TBC1D19: variants seen among roughly 807,000 people sequenced by gnomAD.
The protein encoded by TBC1D19 is TBC1 domain family, member 19.
A neutral mutation model predicts 89.0 loss-of-function variants in TBC1D19; 60 were observed. The observed-to-expected ratio is 0.67, with a 90% CI of 0.55 to 0.84. The LOEUF is 0.84. Ranked by LOEUF, TBC1D19 falls within the 40% of genes least tolerant of loss-of-function variation. TBC1D19 has a pLI of 0.00. For missense variants in TBC1D19, 500 were observed against 610.8 expected, an observed-to-expected ratio of 0.82 and a Z score of 1.91; for synonymous variants, 189 against 199.7, an observed-to-expected ratio of 0.95 and a Z score of 0.45.
the TBC1D19 span, among the ~76,000 whole-genome samples, chr4:26,767,911 G>A: frequency 6.6e-6 from 1 of 152,172 alleles, no homozygotes; most frequent in African/African-American, 2.4e-5. Context: ...CCTGTGGAAA[G>A]TTTCCATGAT....
At chr4:26,719,975 A>G in intron 14 of TBC1D19, 106 bp from the exon 15 acceptor site, 1 of 834,204 alleles carries the variant, frequency 1.2e-6, no homozygotes, top group Non-Finnish European at 1.8e-6. Context: ...ATATCAGTTT[A>G]TAGTAGTTTT....
the TBC1D19 span, among the ~76,000 whole-genome samples, chr4:26,817,981 A>AAAAAAAAAT: frequency 7.9e-6 from 1 of 126,080 alleles, no homozygotes; most frequent in African/African-American, 3.7e-5. Flanking sequence ...AAAAAAAAAA[A>AAAAAAAAAT]ATATATATAT....
intron 15 of TBC1D19, among the ~76,000 whole-genome samples, chr4:26,731,072 G>A (rs1717631964): frequency 1.3e-5 from 2 of 152,190 alleles, no homozygotes; most frequent in Admixed American, 6.5e-5. Context: ...AGTAACATAC[G>A]TAAGCGTACA....
chr4:26,792,620 G>A, the TBC1D19 span, among the ~76,000 whole-genome samples: 8 of 152,252 alleles, frequency 5.3e-5, no homozygotes, highest in East Asian at 5.8e-4. Context: ...GTAAGCATAC[G>A]ATTTCTTTGA....
the TBC1D19 span, among the ~76,000 whole-genome samples, chr4:26,813,524 G>A: frequency 6.6e-6 from 1 of 152,134 alleles, no homozygotes; most frequent in Non-Finnish European, 1.5e-5. Context: ...CTTAGACCCT[G>A]CTGGGGTGTG....
chr4:26,830,566 T>C, the TBC1D19 span, among the ~76,000 whole-genome samples: 1 of 152,186 alleles, frequency 6.6e-6, no homozygotes, highest in Admixed American at 6.5e-5. Flanking sequence ...GCAGTTATCT[T>C]CTGTTACTGG....
intron 13 of TBC1D19, among the ~76,000 whole-genome samples, chr4:26,695,445 A>C (rs2109185882): frequency 6.6e-6 from 1 of 152,340 alleles, no homozygotes; most frequent in East Asian, 1.9e-4. Context: ...GCAGGATATT[A>C]TCCAGGAGAA....
Position 26,624,420 on chromosome 4 carries a change from A to C in TBC1D19, c.294+3732A>C, listed in dbSNP as rs180814888. On this transcript the variant is annotated intron_variant, in intron 4 of 20. Transcript: ENST00000264866. ...GAGACTGAGTCTTGCTTTATCACCC[A>C]GGCTGGAGTGCAGTGGTATGATCTC... Among the ~76,000 whole-genome samples, 456 of 152,166 alleles carry C rather than the reference A, an allele frequency of 3.0e-3. 4 individuals are homozygous for C. Among genetic ancestry groups the C allele is most frequent in the African/African-American group, 0.011 (442 of 41,524 alleles).
At position 26,640,177 on chromosome 4, in the gene TBC1D19, A is replaced by G. The variant is rs768406719; in HGVS notation, c.470A>G (p.Asp157Gly). ...TTCAGACCTGTTTATGCACCTAAGGATTTTCTTGAGGTAGGTTCTATTGGA... is the reference window on the plus strand; with the variant it reads ...TTCAGACCTGTTTATGCACCTAAGGGTTTTCTTGAGGTAGGTTCTATTGGA... ...SLFRPVYAPK[D>G]FLEVLINLRN... Residue 157 changes from aspartate to glycine, a missense_variant, in exon 7 of 21, where the codon GAT becomes GGT. Asp to Gly is a moderately conservative substitution (Grantham distance 94). Around this residue, in one of 2 missense-constraint regions of TBC1D19, gnomAD observed 280 missense variants for 291.7 expected, o/e 0.96. Coordinates refer to ENST00000264866, the MANE Select transcript of TBC1D19 (RefSeq NM_018317.4). The G allele has an allele frequency of 1.9e-6, 3 of 1,608,342 alleles. No homozygotes were observed. In the African/African-American group the frequency reaches 4.0e-5, roughly 22 times the overall value.
At chr4:26,769,548 CTT>C in the TBC1D19 span, among the ~76,000 whole-genome samples, 4 of 146,016 alleles carry the variant, frequency 2.7e-5, no homozygotes, top group African/African-American at 2.5e-5. Flanking sequence ...GTTTAAGGTT[CTT>C]TTTTTTTTTT....
chr4:26,750,870 A>C (rs1487128190), intron 19 of TBC1D19, among the ~76,000 whole-genome samples: 1 of 152,184 alleles, frequency 6.6e-6, no homozygotes, highest in African/African-American at 2.4e-5. Flanking sequence ...TTTTGGAATC[A>C]CCTTTTTCTG....
At chr4:26,767,848 A>T in the TBC1D19 span, among the ~76,000 whole-genome samples, 4 of 152,204 alleles carry the variant, frequency 2.6e-5, no homozygotes, top group Non-Finnish European at 4.4e-5. Context: ...TTCTCAAGAT[A>T]TGGGACATCA....
chr4:26,845,376 T>G, the TBC1D19 span, among the ~76,000 whole-genome samples: 2 of 152,176 alleles, frequency 1.3e-5, no homozygotes, highest in African/African-American at 4.8e-5. Context: ...TGGTAAAATA[T>G]AAAATAAATA....
At chr4:26,746,954 A>G (rs568181222) in intron 18 of TBC1D19, among the ~76,000 whole-genome samples, 1 of 152,306 alleles carries the variant, frequency 6.6e-6, no homozygotes, top group East Asian at 1.9e-4. Context: ...TACAGCATAG[A>G]TACACCTGAC....
chr4:26,686,620 C>T (rs1006475353), intron 12 of TBC1D19, among the ~76,000 whole-genome samples: 6 of 152,176 alleles, frequency 3.9e-5, no homozygotes, highest in East Asian at 1.9e-4. Flanking sequence ...GAGCTCTGGT[C>T]GGCCACATAC....
At chr4:26,855,235 T>G in the TBC1D19 span, among the ~76,000 whole-genome samples, 1 of 152,234 alleles carries the variant, frequency 6.6e-6, no homozygotes, top group East Asian at 1.9e-4. Context: ...AGAGAACTTT[T>G]GACTGTCACT....
At chr4:26,606,182 T>A (rs1369040810) in intron 1 of TBC1D19, among the ~76,000 whole-genome samples, 1 of 152,034 alleles carries the variant, frequency 6.6e-6, no homozygotes, top group Non-Finnish European at 1.5e-5. Flanking sequence ...AGAGTGAGGG[T>A]CCTGCGACTG....
chr4:26,850,883 G>A, the TBC1D19 span, among the ~76,000 whole-genome samples: 1 of 152,342 alleles, frequency 6.6e-6, no homozygotes, highest in South Asian at 2.1e-4. Flanking sequence ...GCTTGTCTGA[G>A]AGGGTGTTTC....
At chr4:26,600,676 G>A (rs1233490351) in intron 1 of TBC1D19, among the ~76,000 whole-genome samples, 1 of 152,174 alleles carries the variant, frequency 6.6e-6, no homozygotes, top group Non-Finnish European at 1.5e-5. Context: ...GGAAGAGAAG[G>A]GGGTCAGCTT....
Sources: gnomAD v4.1 joint callset for allele counts (sites outside exome capture counted in the v4.1 genomes callset) on GRCh38, gnomAD v4.1.1 for gene constraint, gnomAD v4.1.1 regional missense constraint, MANE v1.5 for transcripts, NCBI Gene and HGNC (gene_info 2026-07-23, HGNC 2026-07-21) for gene names.